Variants in LRP1B observed in about 807,000 individuals in gnomAD.
The protein encoded by LRP1B is low-density lipoprotein receptor-related protein 1B.
In LRP1B, 217 loss-of-function variants were observed where a neutral mutation model predicts 556.6. That is an observed-to-expected ratio of 0.39 (90% CI 0.35 to 0.44). The LOEUF is 0.44. LRP1B is among the 20% of genes least tolerant of loss of function. The probability of loss-of-function intolerance (pLI) is 1.00; values close to 1 mark genes in which losing one functional copy is unlikely to be tolerated. For synonymous variants in LRP1B, 2,047 were observed against 1,865.8 expected, an observed-to-expected ratio of 1.10 and a Z score of -2.50; for missense variants, 5,053 against 5,620.8, an observed-to-expected ratio of 0.90 and a Z score of 3.23.
chr2:141,975,571 G>A (rs561520885), intron 1 of LRP1B, among the ~76,000 whole-genome samples: 1 of 152,156 alleles, frequency 6.6e-6, no homozygotes, highest in Non-Finnish European at 1.5e-5. Flanking sequence ...GTGGCTTAAG[G>A]ACCCTTCAGC....
chr2:140,547,412 T>C (rs1680383332), intron 43 of LRP1B, among the ~76,000 whole-genome samples: 1 of 152,154 alleles, frequency 6.6e-6, no homozygotes, highest in African/African-American at 2.4e-5. Flanking sequence ...ATTAATCTAT[T>C]TATTCTCGAT....
At chr2:141,287,586 C>T (rs780766436) in intron 3 of LRP1B, among the ~76,000 whole-genome samples, 2 of 152,102 alleles carry the variant, frequency 1.3e-5, no homozygotes, top group Non-Finnish European at 2.9e-5. Flanking sequence ...TAAAATATTT[C>T]TGATTTGCCT....
intron 2 of LRP1B, among the ~76,000 whole-genome samples, chr2:141,651,380 T>G (rs1689784410): frequency 6.6e-6 from 1 of 152,156 alleles, no homozygotes; most frequent in African/African-American, 2.4e-5. Flanking sequence ...ATTTTAAAAA[T>G]GGGCCAGGCA....
intron 2 of LRP1B, among the ~76,000 whole-genome samples, chr2:141,683,066 T>A (rs1431466011): frequency 1.3e-5 from 2 of 152,134 alleles, no homozygotes; most frequent in Non-Finnish European, 2.9e-5. Context: ...GTGAAATGTC[T>A]CTTCTGGAGC....
intron 19 of LRP1B, among the ~76,000 whole-genome samples, 183 bp downstream of exon 19, chr2:140,951,677 T>C (rs1360667071): frequency 6.6e-6 from 1 of 152,048 alleles, no homozygotes; most frequent in East Asian, 1.9e-4. Flanking sequence ...AAATATTGAG[T>C]TCCATTATCT....
At chr2:141,012,956 A>G (rs1697797914) in intron 14 of LRP1B, among the ~76,000 whole-genome samples, 1 of 151,936 alleles carries the variant, frequency 6.6e-6, no homozygotes, top group Non-Finnish European at 1.5e-5. Flanking sequence ...CTAAATTCTG[A>G]GTAATGCTAT....
At chr2:140,798,463 A>G (rs1309125851) in intron 32 of LRP1B, among the ~76,000 whole-genome samples, 1 of 152,094 alleles carries the variant, frequency 6.6e-6, no homozygotes, top group African/African-American at 2.4e-5. Context: ...GCTCTCTTTC[A>G]TTTATTTTTT....
intron 7 of LRP1B, among the ~76,000 whole-genome samples, chr2:141,137,957 C>T (rs374949039): frequency 2.6e-5 from 4 of 151,660 alleles, no homozygotes; most frequent in South Asian, 2.1e-4. Flanking sequence ...ATCACTACCA[C>T]GACTCCAAAA....
At chr2:141,378,699 C>A (rs947053926) in intron 3 of LRP1B, among the ~76,000 whole-genome samples, 1 of 152,094 alleles carries the variant, frequency 6.6e-6, no homozygotes, top group Admixed American at 6.5e-5. Flanking sequence ...ACAAAGAGAA[C>A]TCATTATTTT....
chr2:141,153,281 CTA>C (rs529770627), intron 7 of LRP1B, among the ~76,000 whole-genome samples: 2,039 of 121,918 alleles, frequency 0.017, 22 homozygotes, highest in Non-Finnish European at 0.022. Flanking sequence ...TATATATAAG[CTA>C]TATATATTTA....
At chr2:140,416,974 ACT>A (rs1558867750) in intron 66 of LRP1B, among the ~76,000 whole-genome samples, 1 of 152,102 alleles carries the variant, frequency 6.6e-6, no homozygotes, top group Non-Finnish European at 1.5e-5. Flanking sequence ...ACAGCAGAAG[ACT>A]CTAGGACTGT....
chr2:141,616,022 G>A (rs974144230), intron 2 of LRP1B, among the ~76,000 whole-genome samples: 26 of 152,110 alleles, frequency 1.7e-4, no homozygotes, highest in African/African-American at 6.0e-4. Flanking sequence ...GGTGGCTCAC[G>A]CCTGTAATCC....
intron 35 of LRP1B, among the ~76,000 whole-genome samples, chr2:140,756,372 CA>C (rs965277733): frequency 6.6e-6 from 1 of 151,712 alleles, no homozygotes; most frequent in African/African-American, 2.4e-5. Context: ...CAAAAATAAC[CA>C]AAAAAGTCTT....
intron 5 of LRP1B, among the ~76,000 whole-genome samples, chr2:141,242,460 C>T (rs1169687900): frequency 1.3e-5 from 2 of 152,060 alleles, no homozygotes; most frequent in African/African-American, 4.8e-5. Flanking sequence ...CCAACACTGT[C>T]TAGAAACATG....
chr2:142,062,839 T>C (rs1468416704), intron 1 of LRP1B, among the ~76,000 whole-genome samples: 3 of 151,732 alleles, frequency 2.0e-5, no homozygotes, highest in Non-Finnish European at 2.9e-5. Context: ...ACATGAACTT[T>C]TATTCTTAAG....
rs1491148843 is a variant in LRP1B, at chr2:140,766,844, T to TATATATATATATATATATATATA, written c.5758+2368_5758+2369insTATATATATATATATATATATAT. Among the ~76,000 whole-genome samples, 3 of 54,934 alleles carry TATATATATATATATATATATATA rather than the reference T, an allele frequency of 5.5e-5. No individual in the cohort carries two copies. The East Asian group carries it at 1.7e-3, about 32-fold the overall frequency. 36.0% of individuals were successfully genotyped at this position (54,934 alleles called of 152,430 possible). A position where few individuals can be genotyped will look rare whatever the true frequency, so the allele number is the denominator to read the frequency against. On this transcript the variant is annotated intron_variant, in intron 35 of 90. Transcript: ENST00000389484. ...TAAAATATATATATATATATATATATTATATATATATATATATATATAATA... is the reference window on the plus strand; with the variant it reads ...TAAAATATATATATATATATATATATATATATATATATATATATATATATATATATATATATATATATATAATA...
chr2:141,121,804 C>T (rs990995481), intron 7 of LRP1B, among the ~76,000 whole-genome samples: 7 of 151,936 alleles, frequency 4.6e-5, no homozygotes, highest in South Asian at 2.1e-4. Flanking sequence ...GACAATCCTA[C>T]AGCAAAAGAA....
intron 79 of LRP1B, among the ~76,000 whole-genome samples, chr2:140,331,344 C>T (rs1032399144): frequency 1.3e-4 from 20 of 152,046 alleles, no homozygotes; most frequent in Non-Finnish European, 1.8e-4. Flanking sequence ...GAACACATTG[C>T]TTACCTGCCA....
intron 41 of LRP1B, among the ~76,000 whole-genome samples, chr2:140,616,057 T>A (rs964891092): frequency 6.6e-6 from 1 of 151,896 alleles, no homozygotes; most frequent in Non-Finnish European, 1.5e-5. Context: ...GCTAAGCAGA[T>A]GAAGGTGGTT....
Sources: allele counts gnomAD v4.1 joint callset (sites outside exome capture counted in the v4.1 genomes callset), GRCh38; gene constraint gnomAD v4.1.1; transcripts MANE v1.5; gene names NCBI Gene and HGNC (gene_info 2026-07-23, HGNC 2026-07-21).